SETX: variants seen among roughly 807,000 people sequenced by gnomAD.
The protein encoded by SETX is helicase senataxin.
SETX carries 90 observed loss-of-function variants against 227.2 expected under a neutral mutation model. That is an observed-to-expected ratio of 0.40 (90% CI 0.33 to 0.47). SETX has a LOEUF of 0.47. Ranked by LOEUF, SETX falls within the 20% of genes least tolerant of loss-of-function variation. SETX has a pLI of 0.91. For synonymous variants in SETX, 1,210 were observed against 1,113.2 expected, an observed-to-expected ratio of 1.09 and a Z score of -1.73; for missense variants, 3,052 against 3,181.5, an observed-to-expected ratio of 0.96 and a Z score of 0.98.
At chr9:132,286,614 A>G in intron 17 of SETX, 120 bp from the exon 18 acceptor site, 1 of 747,314 alleles carries the variant, frequency 1.3e-6, no homozygotes, top group Non-Finnish European at 2.3e-6. Context: ...GTATTTACCC[A>G]GCTTATTTCC....
rs1564464373 is a variant in SETX, at chr9:132,264,847, G to A, written c.7426C>T (p.Pro2476Ser). 1 of 1,614,168 alleles carries A rather than the reference G, an allele frequency of 6.2e-7. No individual in the cohort carries two copies. Among genetic ancestry groups the A allele is most frequent in the Non-Finnish European group, 8.5e-7 (1 of 1,180,026 alleles). The change falls in exon 26 of 26, where the codon CCT becomes TCT. Residue 2476 changes from proline to serine, a missense_variant. By Grantham distance (74) the Pro-to-Ser change is moderately conservative (BLOSUM62 -1). Transcript: ENST00000224140. Reference protein sequence around the residue: ...KPVLQRSLTHPPTIAPEGSRP... With the variant: ...KPVLQRSLTHSPTIAPEGSRP... ...GACCCCTCTGGGGCTATGGTAGGAGGGTGAGTGAGACTTCTCTGCAGCACA... is the reference window on the plus strand; with the variant it reads ...GACCCCTCTGGGGCTATGGTAGGAGAGTGAGTGAGACTTCTCTGCAGCACA...
chr9:132,264,923 G>T lies in SETX; in HGVS notation c.7350C>A (p.Thr2450=). The stretch of plus-strand genomic sequence containing the variant: ...CATCATGTCTATAGTTTTTGTCACA[G>T]GTCTTAATAATGGCACCACGCTTCT... ...DAQKRGAIIK[T]CDKNYRHDAV... The change falls in exon 26 of 26, where the codon ACC becomes ACA. Residue 2450 remains threonine (T), a synonymous_variant. Coordinates refer to ENST00000224140, the MANE Select transcript of SETX (RefSeq NM_015046.7). 6.2e-7 allele frequency: 1 copy of T among 1,614,126 alleles called. No homozygotes were observed. Among genetic ancestry groups the T allele is most frequent in the Non-Finnish European group, 8.5e-7 (1 of 1,180,010 alleles).
chr9:132,314,902 T>TTG lies in SETX; in HGVS notation c.5275-3048_5275-3047dup, dbSNP rs1564523500. 7.7e-5 allele frequency among the ~76,000 whole-genome samples: 11 copies of TTG among 143,328 alleles called. No homozygotes were observed. The East Asian group carries it at 1.6e-3, about 20-fold the overall frequency. The allele number at this position is 143,328 out of a possible 152,430, so 94.0% of individuals were successfully genotyped here. ...AATTATTATTATTATTATTATTTTA[T>TTG]TGTGTTTTTTTTTTTTTTTTTTTTT... is the stretch of plus-strand genomic sequence containing the variant. On this transcript the variant is annotated intron_variant, in intron 10 of 25. Transcript: ENST00000224140.
upstream of SETX, among the ~76,000 whole-genome samples, chr9:132,355,501 G>C (rs1407460084): frequency 2.6e-5 from 4 of 152,244 alleles, no homozygotes; most frequent in East Asian, 7.7e-4. Context: ...ACAAGAAAGG[G>C]AGACCTTAGG....
At chr9:132,278,382 C>T in intron 20 of SETX, 125 bp from the exon 21 acceptor site, 1 of 841,088 alleles carries the variant, frequency 1.2e-6, no homozygotes, top group African/African-American at 1.7e-5. Context: ...GATTACCAAC[C>T]ACAGCTTCAG....
At chr9:132,265,232 T>G (rs551011176) in intron 25 of SETX, among the ~76,000 whole-genome samples, 4 of 146,668 alleles carry the variant, frequency 2.7e-5, no homozygotes, top group Non-Finnish European at 4.5e-5. Flanking sequence ...TTGTTTTTTT[T>G]TTTTTTTTTT....
Position 132,262,273 on chromosome 9 carries a change from T to C in SETX, c.*1966A>G, listed in dbSNP as rs763145314. 7 of 152,196 alleles carry C rather than the reference T, an allele frequency of 4.6e-5. No individual in the cohort carries two copies. The highest frequency in any genetic ancestry group is 3.8e-4 in the East Asian group (2 of 5,202). 9.4% of individuals were successfully genotyped at this position (152,196 alleles called of 1,614,324 possible). On this transcript the variant is annotated 3_prime_UTR_variant, in exon 26 of 26. Transcript: ENST00000224140. ...ACTTATTTCTCAAATCATGTGTTAA[T>C]AGTATTAACATGAGCAGCGTGAGAG...
chr9:132,348,389 C>A (rs74469436), intron 3 of SETX, among the ~76,000 whole-genome samples: 1,038 of 85,620 alleles, frequency 0.012, 20 homozygotes, highest in African/African-American at 0.031. Context: ...AAAAAAAAAA[C>A]AACCCACTAA....
Position 132,283,345 on chromosome 9 carries a change from C to T in SETX, c.6465G>A (p.Leu2155=), listed in dbSNP as rs867164677. 6.2e-7 allele frequency: 1 copy of T among 1,614,150 alleles called. No homozygotes were observed. The highest frequency in any genetic ancestry group is 2.2e-5 in the East Asian group (1 of 44,876). Residue 2155 remains leucine (L), a synonymous_variant, in exon 19 of 26, where the codon TTG becomes TTA. Transcript: ENST00000224140. ...ILESHIICCT[L]STSGGLLLES... ...CAAGTAGTAAACCACCACTTGTGCT[C>T]AACGTGCAGCAGATGATATGGGACT...
At chr9:132,346,493 A>T (rs1472490499) in intron 3 of SETX, 22 bp from the exon 4 acceptor site, 1 of 1,530,878 alleles carries the variant, frequency 6.5e-7, no homozygotes, top group South Asian at 1.1e-5. Flanking sequence ...TAAAATGGGC[A>T]GTGTGCGTTA....
In SETX at chr9:132,296,886, C is replaced by T. The variant is rs1473688542; in HGVS notation, c.5949+1G>A. On this transcript the variant is annotated splice_donor_variant, in intron 14 of 25. Transcript: ENST00000224140. LOFTEE classifies it high-confidence loss of function. The stretch of plus-strand genomic sequence containing the variant: ...GCATCAGTGCCCTCACCCATACCTA[C>T]CTCTGTCAGTAGACGATAGAGGAGG... 6.2e-7 allele frequency: 1 copy of T among 1,614,054 alleles called. No individual in the cohort carries two copies. Among genetic ancestry groups the T allele is most frequent in the Non-Finnish European group, 8.5e-7 (1 of 1,179,988 alleles).
At chr9:132,354,788 G>C (rs1463735603) in intron 1 of SETX, 129 bp downstream of exon 1, 1 of 151,538 alleles carries the variant, frequency 6.6e-6, no homozygotes. Flanking sequence ...AGCCCGCGCC[G>C]ACTCTTCCCC....
At chr9:132,288,735 T>G in intron 15 of SETX, 84 bp from the exon 16 acceptor site, 1 of 898,164 alleles carries the variant, frequency 1.1e-6, no homozygotes, top group South Asian at 1.4e-5. Context: ...TATTTCTAAG[T>G]AAATATGTTA....
intron 23 of SETX, among the ~76,000 whole-genome samples, chr9:132,273,860 A>G (rs1385115432): frequency 6.6e-6 from 1 of 152,222 alleles, no homozygotes. Context: ...AGAGTTTCAA[A>G]CATCTCTCCT....
At chr9:132,344,313 G>A (rs972141933) in intron 4 of SETX, among the ~76,000 whole-genome samples, 2 of 152,048 alleles carry the variant, frequency 1.3e-5, no homozygotes, top group Admixed American at 1.3e-4. Context: ...TCCTGGGCTC[G>A]AATGATCCTC....
At chr9:132,352,231 G>A (rs903701390) in intron 2 of SETX, among the ~76,000 whole-genome samples, 6 of 152,134 alleles carry the variant, frequency 3.9e-5, no homozygotes, top group African/African-American at 1.4e-4. Flanking sequence ...TGAAAATGCT[G>A]CCCATCCTTT....
chr9:132,276,684 T>C (rs1016022617), intron 22 of SETX, among the ~76,000 whole-genome samples: 10 of 152,192 alleles, frequency 6.6e-5, no homozygotes, highest in African/African-American at 2.4e-4. Context: ...CACTACTTCC[T>C]TCCTCCCTTT....
At chr9:132,307,329 G>A (rs1589692559) in intron 11 of SETX, among the ~76,000 whole-genome samples, 1 of 142,572 alleles carries the variant, frequency 7.0e-6, no homozygotes, top group East Asian at 2.8e-4. Flanking sequence ...TATTAACAGA[G>A]CTAAATAAGT....
chr9:132,278,458 T>C (rs957019165), intron 20 of SETX, among the ~76,000 whole-genome samples: 6 of 86,348 alleles, frequency 6.9e-5, no homozygotes, highest in African/African-American at 4.1e-4. Context: ...TTTTTTTTTT[T>C]TTTTTTTTTT....
Sources: gnomAD v4.1 joint callset for allele counts (sites outside exome capture counted in the v4.1 genomes callset) on GRCh38, gnomAD v4.1.1 for gene constraint, MANE v1.5 for transcripts, NCBI Gene and HGNC (gene_info 2026-07-23, HGNC 2026-07-21) for gene names.